Variants in ACOT11 observed in about 807,000 individuals in gnomAD.
ACOT11 encodes acyl-coenzyme A thioesterase 11.
A neutral mutation model predicts 77.5 loss-of-function variants in ACOT11; 69 were observed. The observed-to-expected ratio is 0.89, with a 90% confidence interval of 0.73 to 1.09. The LOEUF is 1.09. ACOT11 is among the 50% of genes least tolerant of loss of function. The pLI, the probability that ACOT11 is intolerant of heterozygous loss-of-function variation, is 0.00. For missense variants in ACOT11, 766 were observed against 813.7 expected, an observed-to-expected ratio of 0.94 and a Z score of 0.71; for synonymous variants, 279 against 313.0, an observed-to-expected ratio of 0.89 and a Z score of 1.15.
At position 54,592,608 on chromosome 1, in the gene ACOT11, T is replaced by A. The variant is rs1430022954; in HGVS notation, c.372+2T>A. The A allele has an allele frequency of 6.2e-7, 1 of 1,612,874 alleles. No homozygotes were observed. Among genetic ancestry groups the A allele is most frequent in the Non-Finnish European group, 8.5e-7 (1 of 1,179,554 alleles). ...CGGGCCTTCAACTCCAGCATGGAGG[T>A]GTGTGGGGTGGGCACTGCTTGGGAG... On this transcript the variant is annotated splice_donor_variant, in intron 4 of 15. Coordinates refer to ENST00000343744, the MANE Select transcript of ACOT11 (RefSeq NM_147161.4). LOFTEE classifies it high-confidence loss of function.
Position 54,584,946 on chromosome 1 carries a change from C to T in ACOT11, c.241+84C>T. 7.2e-7 allele frequency: 1 copy of T among 1,384,444 alleles called. No homozygotes were observed. Among genetic ancestry groups the T allele is most frequent in the Non-Finnish European group, 9.8e-7 (1 of 1,019,108 alleles). 85.8% of individuals were successfully genotyped at this position (1,384,444 alleles called of 1,614,324 possible). A position where few individuals can be genotyped will look rare whatever the true frequency, so the allele number is the denominator to read the frequency against. ...GCTTTCAGAGATGGTCACCGTCCAC[C>T]CTAAGTGCCACACTTGTTTCTCATC... is the stretch of plus-strand genomic sequence containing the variant. On this transcript the variant is annotated intron_variant, in intron 2 of 15. Coordinates refer to ENST00000343744, the MANE Select transcript of ACOT11 (RefSeq NM_147161.4). The surrounding 1 kb of genome is among the most constrained non-coding windows in gnomAD (Gnocchi z 6.3).
At chr1:54,606,779 C>T (rs1442343542) in intron 13 of ACOT11, among the ~76,000 whole-genome samples, 1 of 152,236 alleles carries the variant, frequency 6.6e-6, no homozygotes, top group Non-Finnish European at 1.5e-5. Flanking sequence ...TCTGCACCTG[C>T]GCAGACATGT....
intron 1 of ACOT11, among the ~76,000 whole-genome samples, chr1:54,553,219 A>T (rs970885937): frequency 6.6e-6 from 1 of 151,852 alleles, no homozygotes; most frequent in African/African-American, 2.4e-5. Flanking sequence ...CTCATTAAAA[A>T]ATTTTTTTTT....
chr1:54,617,553 A>G (rs1159204576), intron 15 of ACOT11, among the ~76,000 whole-genome samples: 2 of 151,580 alleles, frequency 1.3e-5, no homozygotes, highest in African/African-American at 4.9e-5. Context: ...CTGTACAATC[A>G]GGGCCTGCCA....
intron 10 of ACOT11, 109 bp from the exon 11 acceptor site, chr1:54,603,762 A>AT: frequency 9.5e-7 from 1 of 1,048,312 alleles, no homozygotes; most frequent in Non-Finnish European, 1.5e-6. Flanking sequence ...GGAGTCTCCC[A>AT]TTCTGCCGGG....
intron 16 of ACOT11, among the ~76,000 whole-genome samples, chr1:54,631,476 A>AACT (rs1400795742): frequency 6.6e-6 from 1 of 152,200 alleles, no homozygotes; most frequent in Non-Finnish European, 1.5e-5. Context: ...GAGCTTGTGT[A>AACT]ACTCCTGCTC....
intron 1 of ACOT11, among the ~76,000 whole-genome samples, chr1:54,560,308 G>A (rs912408238): frequency 1.3e-5 from 2 of 152,132 alleles, no homozygotes; most frequent in Admixed American, 6.5e-5. Context: ...GGCCCTAAAA[G>A]CTTTTCTGGG....
In ACOT11 at chr1:54,550,818, G is replaced by A. The variant is rs566782798; in HGVS notation, c.33+2476G>A. Among the ~76,000 whole-genome samples the A allele has an allele frequency of 3.9e-5, 6 of 151,910 alleles. No individual in the cohort carries two copies. In the South Asian group the frequency reaches 1.3e-3, roughly 32 times the overall value. On this transcript the variant is annotated intron_variant, in intron 1 of 15. Transcript: ENST00000343744. The stretch of plus-strand genomic sequence containing the variant: ...AGCCTGGATGACAGAGTGAGATCCT[G>A]TCTCAAAACAAAAACAAAAACAAAC...
chr1:54,615,994 G>A (rs755239601), intron 15 of ACOT11: 7 of 1,611,510 alleles, frequency 4.3e-6, no homozygotes, highest in Non-Finnish European at 5.9e-6. Context: ...CTGGGGGCCG[G>A]AGAGGGTTTC....
chr1:54,613,645 TTTC>T (rs1416459745), downstream of ACOT11, among the ~76,000 whole-genome samples: 2 of 152,192 alleles, frequency 1.3e-5, no homozygotes, highest in African/African-American at 4.8e-5. Flanking sequence ...TCTTTGTACT[TTTC>T]TTCTTCAAAA....
chr1:54,613,252 G>T (rs2101016994), downstream of ACOT11, among the ~76,000 whole-genome samples: 1 of 152,116 alleles, frequency 6.6e-6, no homozygotes, highest in African/African-American at 2.4e-5. Flanking sequence ...GGTGGCGCAT[G>T]GCTATAATCC....
At chr1:54,583,140 G>A (rs911662674) in intron 1 of ACOT11, among the ~76,000 whole-genome samples, 3 of 152,226 alleles carry the variant, frequency 2.0e-5, no homozygotes, top group East Asian at 1.9e-4. Flanking sequence ...GTGAGAGCCC[G>A]CAAGCCAGGC....
intron 1 of ACOT11, among the ~76,000 whole-genome samples, chr1:54,558,869 G>A (rs1383688976): frequency 6.6e-6 from 1 of 152,196 alleles, no homozygotes; most frequent in Non-Finnish European, 1.5e-5. Flanking sequence ...GAGCCATGAG[G>A]GCTCCCTTGT....
chr1:54,618,812 C>G (rs1277098074), intron 15 of ACOT11, among the ~76,000 whole-genome samples: 1 of 152,148 alleles, frequency 6.6e-6, no homozygotes, highest in African/African-American at 2.4e-5. Flanking sequence ...CTAACACTTT[C>G]CAGCTGTGTG....
chr1:54,625,592 A>G (rs1644267012), intron 15 of ACOT11, among the ~76,000 whole-genome samples: 1 of 152,180 alleles, frequency 6.6e-6, no homozygotes, highest in Admixed American at 6.5e-5. Context: ...GCTTTACTCT[A>G]CAGTTAAAGT....
chr1:54,575,094 A>T (rs1654061421), intron 1 of ACOT11, among the ~76,000 whole-genome samples: 1 of 150,200 alleles, frequency 6.7e-6, no homozygotes, highest in Non-Finnish European at 1.5e-5. Context: ...CAGTTTCTCC[A>T]CCCATACAAG....
chr1:54,561,743 C>T (rs1653499146), intron 1 of ACOT11, among the ~76,000 whole-genome samples: 42 of 100,742 alleles, frequency 4.2e-4, no homozygotes, highest in Non-Finnish European at 6.5e-4. Flanking sequence ...CTGACCCCCC[C>T]CACCTCCCTC....
At chr1:54,548,436 C>G in intron 1 of ACOT11, 94 bp downstream of exon 1, 1 of 1,411,836 alleles carries the variant, frequency 7.1e-7, no homozygotes, top group Non-Finnish European at 9.7e-7. Flanking sequence ...CGCTCTGCAT[C>G]TCCTCACACT....
intron 2 of ACOT11, among the ~76,000 whole-genome samples, chr1:54,585,328 C>T (rs1654460280): frequency 6.6e-6 from 1 of 152,166 alleles, no homozygotes; most frequent in Non-Finnish European, 1.5e-5. Flanking sequence ...TGTTCCCCAG[C>T]ACTGTTTCAG....
Sources: gnomAD v4.1 joint callset for allele counts (sites outside exome capture counted in the v4.1 genomes callset) on GRCh38, gnomAD v4.1.1 for gene constraint, Gnocchi (gnomAD v3.1) non-coding constraint, MANE v1.5 for transcripts, NCBI Gene and HGNC (gene_info 2026-07-23, HGNC 2026-07-21) for gene names.